COLEC11: variants seen among roughly 807,000 people sequenced by gnomAD.
COLEC11 encodes collectin-11.
A neutral mutation model predicts 27.3 loss-of-function variants in COLEC11; 20 were observed. The ratio of observed to expected loss-of-function variants is 0.73; its 90% CI spans 0.51 to 1.06. The LOEUF is 1.06. Ranked by LOEUF, COLEC11 falls within the 50% of genes least tolerant of loss-of-function variation. The pLI, the probability that COLEC11 is intolerant of heterozygous loss-of-function variation, is 0.00. For synonymous variants in COLEC11, 163 were observed against 154.7 expected, an observed-to-expected ratio of 1.05 and a Z score of -0.40; for missense variants, 310 against 383.0, an observed-to-expected ratio of 0.81 and a Z score of 1.59.
chr2:3,613,262 C>T lies in COLEC11; in HGVS notation c.131-49C>T, dbSNP rs190851369. On this transcript the variant is annotated intron_variant, in intron 2 of 6. Coordinates refer to ENST00000349077, the MANE Select transcript of COLEC11 (RefSeq NM_024027.5). ...TCTTCCTCCACAAATCACTCTGAGA[C>T]GCTGTGCTGGCCAGACGAGCTGCTA... 62 of 1,557,566 alleles carry T rather than the reference C, an allele frequency of 4.0e-5. 1 individual carries two copies. The highest frequency in any genetic ancestry group is 2.5e-4 in the East Asian group (11 of 43,384).
intron 1 of COLEC11, chr2:3,603,742 A>G: frequency 7.0e-7 from 1 of 1,430,258 alleles, no homozygotes; most frequent in Non-Finnish European, 9.6e-7. Context: ...CCACCTCCCC[A>G]GGCCCCTGGG....
chr2:3,609,361 T>C (rs1296033489), intron 2 of COLEC11, among the ~76,000 whole-genome samples: 4 of 75,028 alleles, frequency 5.3e-5, no homozygotes, highest in East Asian at 3.2e-4. Flanking sequence ...GATTTTTTTT[T>C]TTTTTTTTTT....
intron 1 of COLEC11, among the ~76,000 whole-genome samples, chr2:3,595,508 A>C (rs978576078): frequency 1.3e-5 from 2 of 152,206 alleles, no homozygotes; most frequent in African/African-American, 4.8e-5. Context: ...TCCAAACCGC[A>C]GTGCAGTACC....
At position 3,637,590 on chromosome 2, in the gene COLEC11, C is replaced by A. The variant is rs1193186562; in HGVS notation, c.260C>A (p.Pro87His). 6.2e-7 allele frequency: 1 copy of A among 1,613,950 alleles called. No individual in the cohort carries two copies. Among genetic ancestry groups the A allele is most frequent in the Non-Finnish European group, 8.5e-7 (1 of 1,179,850 alleles). ...GTGGGTCGTCATGGAAAAATTGGTC[C>A]CATTGGCTCTAAAGGTATTTGCAAT... ...GSVGRHGKIG[P>H]IGSKGEKGDS... The change falls in exon 4 of 7, where the codon CCC becomes CAC. Residue 87 changes from proline (P) to histidine (H), a missense_variant. Transcript: ENST00000349077.
At chr2:3,613,224 C>A (rs569819908) in intron 2 of COLEC11, 87 bp from the exon 3 acceptor site, 1 of 1,419,602 alleles carries the variant, frequency 7.0e-7, no homozygotes, top group Non-Finnish European at 9.8e-7. Context: ...CCGGGGAGAA[C>A]GCTTCTAACT....
At chr2:3,633,168 A>G (rs552595003) in intron 3 of COLEC11, among the ~76,000 whole-genome samples, 4 of 152,296 alleles carry the variant, frequency 2.6e-5, no homozygotes, top group South Asian at 4.1e-4. Context: ...GGACGAGGCC[A>G]GGCCCCCAGG....
chr2:3,624,571 A>G (rs568639941), intron 3 of COLEC11, among the ~76,000 whole-genome samples: 1 of 152,272 alleles, frequency 6.6e-6, no homozygotes, highest in East Asian at 1.9e-4. Flanking sequence ...GGGAAAAAAC[A>G]TGGGCCAAGG....
chr2:3,632,126 TGACA>T (rs773844641), intron 3 of COLEC11, among the ~76,000 whole-genome samples: 30 of 152,314 alleles, frequency 2.0e-4, no homozygotes, highest in South Asian at 4.1e-4. Flanking sequence ...AGGTGCCACT[TGACA>T]GACAGGGAAA....
rs114322559 is a variant in COLEC11, at chr2:3,612,262, A to C, written c.131-1049A>C. 1.1e-3 allele frequency among the ~76,000 whole-genome samples: 163 copies of C among 151,984 alleles called. 1 individual carries two copies. Among genetic ancestry groups the C allele is most frequent in the African/African-American group, 3.8e-3 (159 of 41,504 alleles). ...CACGCACCCACGCACACGCATGCAC[A>C]CATGCACACACATGCACACACACTC... On this transcript the variant is annotated intron_variant, in intron 2 of 6. Transcript: ENST00000349077.
At chr2:3,626,022 GC>G in intron 3 of COLEC11, 1 of 1,613,604 alleles carries the variant, frequency 6.2e-7, no homozygotes. Flanking sequence ...AGCAGTCACA[GC>G]CAGTCGTGAC....
At chr2:3,608,698 C>T (rs1330865829) in intron 2 of COLEC11, among the ~76,000 whole-genome samples, 1 of 152,150 alleles carries the variant, frequency 6.6e-6, no homozygotes, top group East Asian at 1.9e-4. Flanking sequence ...AAAAAAACAA[C>T]CCTGCCAAAT....
intron 2 of COLEC11, chr2:3,606,332 T>C: frequency 1.8e-6 from 2 of 1,140,624 alleles, no homozygotes; most frequent in Non-Finnish European, 2.6e-6. Flanking sequence ...GGGAGGGTCC[T>C]TCCCAGCTGT....
At chr2:3,603,384 T>A in intron 1 of COLEC11, 1 of 463,130 alleles carries the variant, frequency 2.2e-6, no homozygotes, top group East Asian at 4.2e-5. Flanking sequence ...TGGCGTGATC[T>A]CAGGTCACTG....
intron 4 of COLEC11, among the ~76,000 whole-genome samples, chr2:3,638,515 C>A (rs180724641): frequency 7.9e-5 from 12 of 152,168 alleles, no homozygotes; most frequent in Non-Finnish European, 1.5e-5. Flanking sequence ...TCATCTGCCT[C>A]GGAGCAGGTT....
At chr2:3,626,387 G>A (rs997929184) in intron 3 of COLEC11, among the ~76,000 whole-genome samples, 1 of 151,708 alleles carries the variant, frequency 6.6e-6, no homozygotes, top group Non-Finnish European at 1.5e-5. Flanking sequence ...AATCAGCTTC[G>A]TCTTCCCAAG....
At position 3,644,452 on chromosome 2, in the gene COLEC11, G is replaced by A. The variant is rs904287650; in HGVS notation, c.*334G>A. 2 of 528,418 alleles carry A rather than the reference G, an allele frequency of 3.8e-6. No homozygotes were observed. The highest frequency in any genetic ancestry group is 1.9e-5 in the African/African-American group (1 of 52,774). 32.7% of individuals were successfully genotyped at this position (528,418 alleles called of 1,614,324 possible). A position where few individuals can be genotyped will look rare whatever the true frequency, so the allele number is the denominator to read the frequency against. ...AATCTTTAAGTAGTGCAGTAGTTAA[G>A]TCCAAATAGTGGCAATGGGGTCTTG... is the stretch of plus-strand genomic sequence containing the variant. On this transcript the variant is annotated 3_prime_UTR_variant, in exon 7 of 7. Transcript: ENST00000349077.
chr2:3,635,927 G>C (rs988232121), intron 3 of COLEC11, among the ~76,000 whole-genome samples: 1 of 152,218 alleles, frequency 6.6e-6, no homozygotes, highest in Non-Finnish European at 1.5e-5. Flanking sequence ...GTGAATCAAG[G>C]CTGCATTTTA....
chr2:3,616,415 A>G (rs1395008662), intron 3 of COLEC11, among the ~76,000 whole-genome samples: 2 of 151,904 alleles, frequency 1.3e-5, no homozygotes, highest in African/African-American at 2.4e-5. Flanking sequence ...GGCGGCTGGG[A>G]GGTGGAGGTT....
intron 3 of COLEC11, among the ~76,000 whole-genome samples, chr2:3,636,327 T>C (rs1272903523): frequency 6.6e-6 from 1 of 152,236 alleles, no homozygotes; most frequent in Non-Finnish European, 1.5e-5. Flanking sequence ...TGGTGGCGGA[T>C]GCCTGTAGTC....
Sources: gnomAD v4.1 joint callset for allele counts (sites outside exome capture counted in the v4.1 genomes callset) on GRCh38, gnomAD v4.1.1 for gene constraint, MANE v1.5 for transcripts, NCBI Gene and HGNC (gene_info 2026-07-23, HGNC 2026-07-21) for gene names.